Variants in DLGAP2 observed in about 807,000 individuals in gnomAD.
DLGAP2 encodes the protein disks large-associated protein 2.
Under a neutral mutation model 100.3 loss-of-function variants are expected in DLGAP2, and 26 were observed. The ratio of observed to expected loss-of-function variants is 0.26; its 90% CI spans 0.19 to 0.36. The LOEUF (loss-of-function observed/expected upper bound fraction) is 0.36, where lower values mean the gene tolerates loss of function less well. Ranked by LOEUF, DLGAP2 falls within the 10% of genes least tolerant of loss-of-function variation. DLGAP2 has a pLI of 1.00. For synonymous variants in DLGAP2, 886 were observed against 630.1 expected, an observed-to-expected ratio of 1.41 and a Z score of -6.08; for missense variants, 1,858 against 1,453.2, an observed-to-expected ratio of 1.28 and a Z score of -4.53.
chr8:1,018,974 A>T (rs543257675), intron 2 of DLGAP2: 3 of 152,294 alleles, frequency 2.0e-5, no homozygotes, highest in African/African-American at 7.2e-5. Context: ...CGGTCAGCAG[A>T]CAGTGAGACG....
At chr8:921,248 G>A (rs901753446) in intron 2 of DLGAP2, among the ~76,000 whole-genome samples, 4 of 151,844 alleles carry the variant, frequency 2.6e-5, no homozygotes, top group South Asian at 2.1e-4. Context: ...CCTGATTTCC[G>A]TGGCGCACAC....
At chr8:1,156,265 T>C (rs1232973547) in intron 2 of DLGAP2, among the ~76,000 whole-genome samples, 2 of 152,056 alleles carry the variant, frequency 1.3e-5, no homozygotes, top group Non-Finnish European at 2.9e-5. Context: ...TCCTCCTCCT[T>C]CCCGTTTTGG....
At chr8:1,628,006 C>T (rs1042211319) in intron 7 of DLGAP2, among the ~76,000 whole-genome samples, 56 of 117,258 alleles carry the variant, frequency 4.8e-4, no homozygotes, top group African/African-American at 1.8e-3. Flanking sequence ...GAGCTTGAGC[C>T]GACCTCACAT....
chr8:1,264,266 C>T (rs536042320), intron 3 of DLGAP2, among the ~76,000 whole-genome samples: 11 of 152,190 alleles, frequency 7.2e-5, no homozygotes, highest in African/African-American at 1.7e-4. Flanking sequence ...GATGCAATCC[C>T]AGAAAGGGGC....
At chr8:1,451,107 C>A (rs1264386845) in intron 3 of DLGAP2, among the ~76,000 whole-genome samples, 1 of 152,048 alleles carries the variant, frequency 6.6e-6, no homozygotes, top group Non-Finnish European at 1.5e-5. Flanking sequence ...TAGTGGATTC[C>A]CGTTCTGTGG....
intron 3 of DLGAP2, among the ~76,000 whole-genome samples, chr8:1,354,330 AC>A (rs1801800141): frequency 6.6e-6 from 1 of 152,048 alleles, no homozygotes; most frequent in Non-Finnish European, 1.5e-5. Flanking sequence ...ACATGGCAAA[AC>A]CCCATCTCTT....
chr8:1,297,523 ACG>A, intron 3 of DLGAP2, among the ~76,000 whole-genome samples: 5 of 145,274 alleles, frequency 3.4e-5, no homozygotes, highest in South Asian at 2.3e-4. Flanking sequence ...AACAGACACC[ACG>A]TGAGACAGGG....
chr8:876,414 A>G (rs1797687965), intron 1 of DLGAP2, among the ~76,000 whole-genome samples: 1 of 152,180 alleles, frequency 6.6e-6, no homozygotes, highest in Non-Finnish European at 1.5e-5. Flanking sequence ...CATTCGTGAT[A>G]GACAGTTTTG....
chr8:1,267,570 A>AT (rs61038728), intron 3 of DLGAP2, among the ~76,000 whole-genome samples: 48,371 of 95,192 alleles, frequency 0.51, 13,315 homozygotes, highest in African/African-American at 0.67. Flanking sequence ...AAATAAAATA[A>AT]AATAAAATAA....
chr8:866,721 G>A lies in DLGAP2; in HGVS notation c.19-41191G>A, dbSNP rs868897. 6.2e-3 allele frequency among the ~76,000 whole-genome samples: 950 copies of A among 152,300 alleles called. 9 individuals carry two copies. Among genetic ancestry groups the A allele is most frequent in the Non-Finnish European group, 0.011 (761 of 68,024 alleles). ...GGGCCTTCTAAATACTTTCCCAGAC[G>A]CTGTGTGCTGTGAGCATCAAAATAA... On this transcript the variant is annotated intron_variant, in intron 1 of 14. Coordinates refer to ENST00000637795, the MANE Select transcript of DLGAP2 (RefSeq NM_001346810.2).
chr8:1,021,458 A>T (rs1224244031), intron 2 of DLGAP2, among the ~76,000 whole-genome samples: 3 of 152,184 alleles, frequency 2.0e-5, no homozygotes, highest in Admixed American at 1.3e-4. Flanking sequence ...GCAGGGGCAG[A>T]TTAGCCATGT....
At chr8:1,287,958 G>GT (rs1290718644) in intron 3 of DLGAP2, among the ~76,000 whole-genome samples, 1 of 117,566 alleles carries the variant, frequency 8.5e-6, no homozygotes, top group African/African-American at 3.5e-5. Context: ...GTGTGTGTGT[G>GT]GTTGTTAGGG....
chr8:1,475,323 AAG>A (rs1213775280), intron 3 of DLGAP2, among the ~76,000 whole-genome samples: 1 of 152,174 alleles, frequency 6.6e-6, no homozygotes, highest in East Asian at 1.9e-4. Flanking sequence ...AACGTTAAAA[AAG>A]AAAAAAAAGC....
intron 6 of DLGAP2, among the ~76,000 whole-genome samples, chr8:1,580,955 C>A (rs1413449027): frequency 6.6e-6 from 1 of 151,348 alleles, no homozygotes; most frequent in Non-Finnish European, 1.5e-5. Flanking sequence ...AAACCCTGCA[C>A]ACATCTACAC....
At chr8:865,911 A>T (rs1472331322) in intron 1 of DLGAP2, among the ~76,000 whole-genome samples, 2 of 152,210 alleles carry the variant, frequency 1.3e-5, no homozygotes, top group Non-Finnish European at 2.9e-5. Context: ...TTCACTTGAA[A>T]TAAGAACATC....
At chr8:1,312,706 A>T (rs1038178351) in intron 3 of DLGAP2, among the ~76,000 whole-genome samples, 12 of 152,370 alleles carry the variant, frequency 7.9e-5, no homozygotes, top group African/African-American at 2.4e-4. Flanking sequence ...TACAAAAAAT[A>T]AAATTAAATG....
intron 1 of DLGAP2, among the ~76,000 whole-genome samples, chr8:893,357 C>A (rs1798075919): frequency 6.6e-6 from 1 of 152,186 alleles, no homozygotes; most frequent in African/African-American, 2.4e-5. Flanking sequence ...TTTGACCCTG[C>A]CAGGATGACC....
At chr8:1,100,688 C>G (rs193230391) in intron 2 of DLGAP2, among the ~76,000 whole-genome samples, 1 of 152,254 alleles carries the variant, frequency 6.6e-6, no homozygotes, top group South Asian at 2.1e-4. Flanking sequence ...AGTGTGTGAA[C>G]TTGGCGCGCC....
chr8:1,492,309 A>T (rs1289153735), intron 3 of DLGAP2, among the ~76,000 whole-genome samples: 1 of 152,196 alleles, frequency 6.6e-6, no homozygotes, highest in African/African-American at 2.4e-5. Context: ...TCATTGTCCT[A>T]ACGGAGCAGA....
Sources: allele counts gnomAD v4.1 joint callset (sites outside exome capture counted in the v4.1 genomes callset), GRCh38; gene constraint gnomAD v4.1.1; transcripts MANE v1.5; gene names NCBI Gene and HGNC (gene_info 2026-07-23, HGNC 2026-07-21).